Variants in DHX35 observed in about 807,000 individuals in gnomAD.
DHX35 encodes DEAH-box helicase 35.
DHX35 carries 84 observed loss-of-function variants against 99.6 expected under a neutral mutation model. That is an observed-to-expected ratio of 0.84 (90% CI 0.71 to 1.01). DHX35 has a LOEUF of 1.01. Among genes scored for constraint, DHX35 ranks in the 50% least tolerant of loss-of-function variants. The probability of loss-of-function intolerance (pLI) is 0.00; values close to 1 mark genes in which losing one functional copy is unlikely to be tolerated. For synonymous variants in DHX35, 331 were observed against 316.2 expected (o/e 1.05, Z -0.50); for missense variants, 852 against 888.5 (o/e 0.96, Z 0.52).
intron 19 of DHX35, chr20:39,030,450 T>C (rs2087029884): frequency 2.0e-6 from 1 of 496,156 alleles, no homozygotes; most frequent in Non-Finnish European, 3.6e-6. Flanking sequence ...GAGCATTTTA[T>C]TCCTAAATGT....
In DHX35 at chr20:39,034,218, C is replaced by A; in HGVS notation, c.1968C>A (p.Asn656Lys). Residue 656 changes from asparagine (N) to lysine (K), a missense_variant, in exon 21 of 22, where the codon AAC becomes AAA. Asn to Lys is a moderately conservative substitution (Grantham distance 94). Coordinates refer to ENST00000252011, the MANE Select transcript of DHX35 (RefSeq NM_021931.4). ...TTTCTCATTTCAGGGTCATCTATAA[C>A]GAAGTTATACAGACCTCCAAGTACT... Reference protein sequence around the residue: ...AEKPPRWVIYNEVIQTSKYYM... With the variant: ...AEKPPRWVIYKEVIQTSKYYM... 1 of 1,613,572 alleles carries A rather than the reference C, an allele frequency of 6.2e-7. No individual in the cohort carries two copies. The highest frequency in any genetic ancestry group is 1.1e-5 in the South Asian group (1 of 91,070).
At chr20:39,023,160 T>C (rs1357019087) in intron 16 of DHX35, among the ~76,000 whole-genome samples, 1 of 152,220 alleles carries the variant, frequency 6.6e-6, no homozygotes, top group Non-Finnish European at 1.5e-5. Flanking sequence ...TGTAATAAAT[T>C]ATCTTAATCC....
intron 12 of DHX35, among the ~76,000 whole-genome samples, chr20:39,008,921 C>T (rs989398779): frequency 3.3e-5 from 5 of 152,184 alleles, no homozygotes; most frequent in African/African-American, 1.2e-4. Context: ...GCCTCCATTT[C>T]TCTTTGGGAG....
chr20:39,027,188 A>G (rs1343257267), intron 18 of DHX35, among the ~76,000 whole-genome samples: 1 of 152,234 alleles, frequency 6.6e-6, no homozygotes, highest in Non-Finnish European at 1.5e-5. Flanking sequence ...GAGACTGGAT[A>G]TCGGATTAGA....
intron 13 of DHX35, among the ~76,000 whole-genome samples, chr20:39,014,047 C>T (rs146843566): frequency 7.4e-4 from 112 of 152,260 alleles, no homozygotes; most frequent in African/African-American, 2.6e-3. Flanking sequence ...TCAGTTTCCT[C>T]ATCTGTAAAA....
intron 1 of DHX35, among the ~76,000 whole-genome samples, chr20:38,966,523 G>A (rs563391439): frequency 6.6e-6 from 1 of 152,302 alleles, no homozygotes; most frequent in Admixed American, 6.5e-5. Flanking sequence ...TACAAAATGA[G>A]CTGGGTGCGG....
chr20:38,994,397 T>C (rs2086391853), intron 7 of DHX35, among the ~76,000 whole-genome samples: 1 of 150,604 alleles, frequency 6.6e-6, no homozygotes, highest in Admixed American at 6.6e-5. Context: ...TTTTATCTCT[T>C]TTTTTTTTGC....
chr20:38,996,546 A>G (rs1181181615), intron 8 of DHX35, among the ~76,000 whole-genome samples: 2 of 152,198 alleles, frequency 1.3e-5, no homozygotes, highest in African/African-American at 2.4e-5. Context: ...TATAAAGATC[A>G]TTCTGAGTGC....
intron 21 of DHX35, 87 bp downstream of exon 21, chr20:39,034,404 C>T: frequency 8.9e-7 from 1 of 1,121,236 alleles, no homozygotes; most frequent in Non-Finnish European, 1.3e-6. Context: ...AATTTAATGC[C>T]CTATGTGTGT....
intron 5 of DHX35, among the ~76,000 whole-genome samples, chr20:38,989,223 G>C (rs543078461): frequency 6.8e-6 from 1 of 147,312 alleles, no homozygotes; most frequent in African/African-American, 2.5e-5. Context: ...TCAGCCTCCC[G>C]AGTAGCTGGG....
rs2145912032 is a variant in DHX35, at chr20:39,010,371, A to T, written c.1314A>T (p.Gly438=). 2 of 1,614,168 alleles carry T rather than the reference A, an allele frequency of 1.2e-6. No individual in the cohort carries two copies. The highest frequency in any genetic ancestry group is 1.7e-6 in the Non-Finnish European group (2 of 1,180,012). ...TCATCCTGCAGCTGAAAGCACTAGG[A>T]ATTGACAATGTCCTCAGGTTCCACT... ...APVILQLKAL[G]IDNVLRFHFM... Residue 438 remains glycine, a synonymous_variant, in exon 13 of 22, where the codon GGA becomes GGT. Transcript: ENST00000252011.
intron 7 of DHX35, among the ~76,000 whole-genome samples, chr20:38,993,708 G>T (rs746881725): frequency 1.2e-3 from 176 of 150,126 alleles, no homozygotes; most frequent in Non-Finnish European, 1.9e-3. Flanking sequence ...TTTCACGTTG[G>T]CTATTTTTCA....
chr20:39,034,449 A>G, intron 21 of DHX35, 132 bp downstream of exon 21: 1 of 676,072 alleles, frequency 1.5e-6, no homozygotes, highest in Non-Finnish European at 2.6e-6. Context: ...AAAGGCCATT[A>G]CCATATCCCC....
intron 3 of DHX35, among the ~76,000 whole-genome samples, chr20:38,973,716 C>T (rs2086036042): frequency 6.6e-6 from 1 of 152,224 alleles, no homozygotes; most frequent in Admixed American, 6.5e-5. Context: ...AGCCCGCTGC[C>T]TGTTTTGTAG....
At chr20:38,996,968 A>AT (rs2086439114) in intron 8 of DHX35, among the ~76,000 whole-genome samples, 1 of 152,058 alleles carries the variant, frequency 6.6e-6, no homozygotes, top group Non-Finnish European at 1.5e-5. Flanking sequence ...CACCTTAAAA[A>AT]TTATTAAATT....
chr20:39,034,352 G>A lies in DHX35; in HGVS notation c.2067+35G>A, dbSNP rs748130695. Reference sequence around the variant, plus strand: ...AACTGAGTCTGTGCCCCAGCCACCTGTTCACAGCCTCTCCATGTTTTTAAA... The same window carrying A: ...AACTGAGTCTGTGCCCCAGCCACCTATTCACAGCCTCTCCATGTTTTTAAA... On this transcript the variant is annotated intron_variant, in intron 21 of 21. Coordinates refer to ENST00000252011, the MANE Select transcript of DHX35 (RefSeq NM_021931.4). 4 of 1,513,090 alleles carry A rather than the reference G, an allele frequency of 2.6e-6. No individual in the cohort carries two copies. The Admixed American group carries it at 6.7e-5, about 25-fold the overall frequency. 93.7% of individuals were successfully genotyped at this position (1,513,090 alleles called of 1,614,324 possible).
chr20:38,985,877 G>A (rs932116894), intron 4 of DHX35, among the ~76,000 whole-genome samples: 9 of 152,198 alleles, frequency 5.9e-5, no homozygotes, highest in Non-Finnish European at 1.0e-4. Context: ...AGTACTTTAT[G>A]TGCAGACTAA....
chr20:38,971,999 G>GTTTTTTTTTTTTTTTTTTTTT (rs1335391217), intron 2 of DHX35, among the ~76,000 whole-genome samples: 1 of 102,994 alleles, frequency 9.7e-6, no homozygotes, highest in African/African-American at 3.7e-5. Context: ...TTTTTGTTTT[G>GTTTTTTTTTTTTTTTTTTTTT]TTTTGTTTTT....
intron 8 of DHX35, among the ~76,000 whole-genome samples, chr20:38,998,963 A>C (rs953360751): frequency 6.6e-6 from 1 of 151,714 alleles, no homozygotes; most frequent in Non-Finnish European, 1.5e-5. Context: ...CGCTCAGCCA[A>C]TTTTTTTGTA....
Sources: gnomAD v4.1 joint callset for allele counts (sites outside exome capture counted in the v4.1 genomes callset) on GRCh38, gnomAD v4.1.1 for gene constraint, MANE v1.5 for transcripts, NCBI Gene and HGNC (gene_info 2026-07-23, HGNC 2026-07-21) for gene names.